Variants in TMEM63C observed in about 807,000 individuals in gnomAD.
The protein encoded by TMEM63C is osmosensitive cation channel TMEM63C.
A neutral mutation model predicts 99.2 loss-of-function variants in TMEM63C; 32 were observed. The observed-to-expected ratio is 0.32, with a 90% confidence interval of 0.24 to 0.43. The LOEUF (loss-of-function observed/expected upper bound fraction) is 0.43, where lower values mean the gene tolerates loss of function less well. Ranked by LOEUF, TMEM63C falls within the 20% of genes least tolerant of loss-of-function variation. The probability of loss-of-function intolerance (pLI) is 1.00; values close to 1 mark genes in which losing one functional copy is unlikely to be tolerated. For synonymous variants in TMEM63C, 376 were observed against 397.9 expected, an observed-to-expected ratio of 0.94 and a Z score of 0.66; for missense variants, 826 against 1,053.0, an observed-to-expected ratio of 0.78 and a Z score of 2.98.
chr14:77,248,637 C>T, intron 19 of TMEM63C, 128 bp downstream of exon 19: 1 of 1,491,272 alleles, frequency 6.7e-7, no homozygotes. Context: ...TGGTGGGGCA[C>T]CTTGGTCTAC....
At position 77,240,487 on chromosome 14, in the gene TMEM63C, C is replaced by T. The variant is rs1448873323; in HGVS notation, c.943C>T (p.Gln315Ter). ...CCTGCCACCCCAGGTGGATGCAGAG[C>T]AGTATTACAGCGAGCTAGAGGAGCA... ...WTCFKEVDAE[Q>*]YYSELEEQLT... Residue 315 changes from glutamine to a stop codon, truncating the protein, a stop_gained, in exon 13 of 24, where the codon CAG becomes TAG. Transcript: ENST00000298351. LOFTEE classifies it high-confidence loss of function. 1 of 1,610,150 alleles carries T rather than the reference C, an allele frequency of 6.2e-7. No homozygotes were observed. Among genetic ancestry groups the T allele is most frequent in the Non-Finnish European group, 8.5e-7 (1 of 1,179,678 alleles).
At chr14:77,250,660 G>C (rs961974093) in intron 21 of TMEM63C, among the ~76,000 whole-genome samples, 1 of 151,834 alleles carries the variant, frequency 6.6e-6, no homozygotes, top group Non-Finnish European at 1.5e-5. Context: ...GGCTGGTCTC[G>C]AACTCCTGAG....
At position 77,249,278 on chromosome 14, in the gene TMEM63C, C is replaced by A. The variant is rs747134782; in HGVS notation, c.1871-13C>A. On this transcript the variant is annotated splice_polypyrimidine_tract_variant and intron_variant, in intron 20 of 23. Transcript: ENST00000298351. ...AAGGGGCCACTGAGTAAGTTTCCAC[C>A]TTTGTCCCCCAGGGTTGCTCTACCT... The A allele has an allele frequency of 1.9e-6, 3 of 1,613,188 alleles. No individual in the cohort carries two copies. The highest frequency in any genetic ancestry group is 2.5e-6 in the Non-Finnish European group (3 of 1,179,396).
intron 1 of TMEM63C, among the ~76,000 whole-genome samples, chr14:77,191,538 C>CTTTTTTTTTTTTTTTTTTTTTTTTTTTCT (rs71125542): frequency 2.4e-5 from 2 of 82,610 alleles, no homozygotes; most frequent in Non-Finnish European, 4.3e-5. Flanking sequence ...TTTTCTTTTT[C>CTTTTTTTTTTTTTTTTTTTTTTTTTTTCT]TTTTTTTTTT....
At chr14:77,232,713 G>A (rs1291213853) in intron 7 of TMEM63C, among the ~76,000 whole-genome samples, 1 of 152,226 alleles carries the variant, frequency 6.6e-6, no homozygotes, top group Non-Finnish European at 1.5e-5. Context: ...CATAGTAGGT[G>A]CTCAATGAAT....
chr14:77,215,984 G>A (rs1299523307), intron 2 of TMEM63C, among the ~76,000 whole-genome samples: 2 of 152,180 alleles, frequency 1.3e-5, no homozygotes, highest in African/African-American at 4.8e-5. Flanking sequence ...ATTCCAGTCT[G>A]GCCACCTGCA....
intron 19 of TMEM63C, 85 bp from the exon 20 acceptor site, chr14:77,248,682 T>G (rs1239254559): frequency 4.0e-6 from 6 of 1,501,266 alleles, no homozygotes; most frequent in Non-Finnish European, 5.6e-6. Context: ...AGGCCTGAGC[T>G]GCCAGGAGGC....
intron 5 of TMEM63C, among the ~76,000 whole-genome samples, chr14:77,221,632 T>C (rs1594858890): frequency 2.2e-5 from 1 of 45,240 alleles, no homozygotes. Context: ...CACTCTCACC[T>C]CCCCTCCCTC....
intron 4 of TMEM63C, 78 bp from the exon 5 acceptor site, chr14:77,219,928 G>A (rs1046891081): frequency 2.2e-6 from 3 of 1,358,216 alleles, no homozygotes; most frequent in Non-Finnish European, 3.1e-6. Flanking sequence ...CTCAGCCAGG[G>A]AGTGGGGAGG....
At chr14:77,244,710 C>T (rs1889239011) in intron 16 of TMEM63C, among the ~76,000 whole-genome samples, 3 of 152,228 alleles carry the variant, frequency 2.0e-5, no homozygotes, top group Non-Finnish European at 2.9e-5. Flanking sequence ...CAAAGCCAAG[C>T]CCTCCTTGAG....
intron 15 of TMEM63C, among the ~76,000 whole-genome samples, chr14:77,243,506 G>A (rs546579127): frequency 2.6e-4 from 40 of 152,196 alleles, no homozygotes; most frequent in African/African-American, 7.0e-4. Context: ...AAGCCCCAAC[G>A]CAGCCCTCTC....
Position 77,209,477 on chromosome 14 carries a change from T to C in TMEM63C, c.-76-3969T>C, listed in dbSNP as rs572590036. Among the ~76,000 whole-genome samples the C allele has an allele frequency of 4.6e-5, 7 of 152,318 alleles. No homozygotes were observed. The South Asian group carries it at 8.3e-4, about 18-fold the overall frequency. ...ATTGAGGCCTACTACGTGATGGTCT[T>C]TGGGAGAACCATGAAAAGTATAAGA... On this transcript the variant is annotated intron_variant, in intron 1 of 23. Coordinates refer to ENST00000298351, the MANE Select transcript of TMEM63C (RefSeq NM_020431.4).
At chr14:77,198,518 C>T (rs1261527344) in intron 1 of TMEM63C, among the ~76,000 whole-genome samples, 1 of 152,144 alleles carries the variant, frequency 6.6e-6, no homozygotes, top group African/African-American at 2.4e-5. Context: ...AGCAAAATGC[C>T]CAGAGCCACT....
Position 77,257,481 on chromosome 14 carries a change from A to C in TMEM63C, c.*755A>C, listed in dbSNP as rs574307695. 1 of 152,344 alleles carries C rather than the reference A, an allele frequency of 6.6e-6. No homozygotes were observed. The highest frequency in any genetic ancestry group is 1.5e-5 in the Non-Finnish European group (1 of 68,026). The allele number at this position is 152,344 out of a possible 1,614,324, so 9.4% of individuals were successfully genotyped here. A position where few individuals can be genotyped will look rare whatever the true frequency, so the allele number is the denominator to read the frequency against. ...GACTCGTGTGCATTTTTCAGAAGGA[A>C]ACCTTGGTTAGTCCTTGCTGGGTAA... On this transcript the variant is annotated 3_prime_UTR_variant, in exon 24 of 24. Transcript: ENST00000298351.
intron 1 of TMEM63C, among the ~76,000 whole-genome samples, chr14:77,189,830 G>A (rs1888073460): frequency 6.6e-6 from 1 of 152,166 alleles, no homozygotes; most frequent in African/African-American, 2.4e-5. Flanking sequence ...GGTGCTTAAA[G>A]CCAGGGAATA....
rs771764575 is a variant in TMEM63C, at chr14:77,236,636, G to A, written c.555G>A (p.Leu185=). ...IVNVSTESKL[L]WLHSLLSFFY... ...TCCCTCCCTGCAGGAGCAAGCTCCT[G>A]TGGCTGCATAGCCTGCTGTCCTTCT... is the stretch of plus-strand genomic sequence containing the variant. Residue 185 remains leucine (L), a synonymous_variant, in exon 9 of 24, where the codon CTG becomes CTA. Coordinates refer to ENST00000298351, the MANE Select transcript of TMEM63C (RefSeq NM_020431.4). 1.2e-6 allele frequency: 2 copies of A among 1,612,284 alleles called. No individual in the cohort carries two copies. The highest frequency in any genetic ancestry group is 1.1e-5 in the South Asian group (1 of 91,056).
chr14:77,225,377 C>T, intron 5 of TMEM63C, 47 bp from the exon 6 acceptor site: 2 of 1,601,670 alleles, frequency 1.2e-6, no homozygotes, highest in Admixed American at 1.7e-5. Context: ...CTGGGCAGGG[C>T]AGGCCAGGAC....
At chr14:77,234,534 T>A (rs1281154381) in intron 8 of TMEM63C, among the ~76,000 whole-genome samples, 2 of 152,170 alleles carry the variant, frequency 1.3e-5, no homozygotes, top group African/African-American at 4.8e-5. Context: ...GCTGGAACAT[T>A]CTGTAGAGAC....
chr14:77,240,372 A>G (rs533760449), intron 12 of TMEM63C, 103 bp from the exon 13 acceptor site: 14 of 1,390,862 alleles, frequency 1.0e-5, no homozygotes, highest in Middle Eastern at 2.3e-4. Context: ...AGGTGCTTCA[A>G]GGCCACCACA....
Sources: allele counts gnomAD v4.1 joint callset (sites outside exome capture counted in the v4.1 genomes callset), GRCh38; gene constraint gnomAD v4.1.1; transcripts MANE v1.5; gene names NCBI Gene and HGNC (gene_info 2026-07-23, HGNC 2026-07-21).